The following HYCC1 variants were observed in gnomAD, a reference collection of about 807,000 sequenced individuals.
The protein encoded by HYCC1 is hyccin.
the HYCC1 span, among the ~76,000 whole-genome samples, chr7:23,007,701 T>C: frequency 2.0e-5 from 3 of 152,160 alleles, no homozygotes; most frequent in South Asian, 6.2e-4. Flanking sequence ...CAATCTCATA[T>C]AGCAAATCAA....
chr7:22,924,195 A>AAGG, the HYCC1 span, among the ~76,000 whole-genome samples: 107 of 136,646 alleles, frequency 7.8e-4, no homozygotes, highest in East Asian at 0.01. Context: ...AAAAAAAAAA[A>AAGG]GGGGGGTGGA....
the HYCC1 span, among the ~76,000 whole-genome samples, chr7:22,968,857 G>A: frequency 3.6e-4 from 55 of 152,098 alleles, no homozygotes; most frequent in Admixed American, 5.2e-4. Context: ...ATGGTGCCAT[G>A]TGCCTGTAAT....
At chr7:22,965,013 A>G in the HYCC1 span, among the ~76,000 whole-genome samples, 9 of 152,140 alleles carry the variant, frequency 5.9e-5, no homozygotes, top group African/African-American at 1.7e-4. Context: ...ATGTGCCTGT[A>G]TTCCCAGCTA....
At chr7:22,951,206 C>T in the HYCC1 span, among the ~76,000 whole-genome samples, 32 of 151,930 alleles carry the variant, frequency 2.1e-4, no homozygotes, top group African/African-American at 7.5e-4. Flanking sequence ...TTTTATAATC[C>T]CAAATATCTA....
the HYCC1 span, among the ~76,000 whole-genome samples, chr7:23,003,258 A>C: frequency 1.3e-5 from 2 of 152,210 alleles, no homozygotes; most frequent in African/African-American, 4.8e-5. Flanking sequence ...TTCATAAACT[A>C]TTAAATGCCA....
chr7:23,008,855 A>T, the HYCC1 span, among the ~76,000 whole-genome samples: 1 of 152,060 alleles, frequency 6.6e-6, no homozygotes, highest in East Asian at 1.9e-4. Flanking sequence ...TAGACTAAAG[A>T]TGTAAATTTT....
At chr7:22,972,562 CA>C in the HYCC1 span, among the ~76,000 whole-genome samples, 1 of 152,058 alleles carries the variant, frequency 6.6e-6, no homozygotes, top group Non-Finnish European at 1.5e-5. Flanking sequence ...ATTAAATGTC[CA>C]ACAGAAAGAA....
the HYCC1 span, among the ~76,000 whole-genome samples, chr7:22,904,899 G>T: frequency 6.6e-6 from 1 of 151,768 alleles, no homozygotes; most frequent in Non-Finnish European, 1.5e-5. Flanking sequence ...AAGAAAAGAG[G>T]TTTAATTGGC....
At chr7:22,975,007 G>C in the HYCC1 span, among the ~76,000 whole-genome samples, 1 of 152,154 alleles carries the variant, frequency 6.6e-6, no homozygotes, top group Non-Finnish European at 1.5e-5. Flanking sequence ...GGAACTGTGA[G>C]TCCACTAAAC....
chr7:22,915,476 AC>A, the HYCC1 span, among the ~76,000 whole-genome samples: 1 of 152,152 alleles, frequency 6.6e-6, no homozygotes, highest in South Asian at 2.1e-4. Flanking sequence ...GCAGGACCCC[AC>A]TGGAAATCAG....
At chr7:22,914,300 C>T in the HYCC1 span, among the ~76,000 whole-genome samples, 1 of 151,838 alleles carries the variant, frequency 6.6e-6, no homozygotes, top group Non-Finnish European at 1.5e-5. Context: ...CACATTGCAG[C>T]CCAGGGCTGC....
the HYCC1 span, among the ~76,000 whole-genome samples, chr7:22,922,581 C>T: frequency 6.6e-6 from 1 of 152,180 alleles, no homozygotes; most frequent in Non-Finnish European, 1.5e-5. Context: ...CTACTAAATT[C>T]ATATCACTTT....
the HYCC1 span, among the ~76,000 whole-genome samples, chr7:22,898,908 A>T: frequency 0.61 from 93,439 of 152,056 alleles, 28,866 homozygotes; most frequent in Non-Finnish European, 0.65. Flanking sequence ...GCTGGTCCGA[A>T]TATTTCTCAA....
the HYCC1 span, among the ~76,000 whole-genome samples, chr7:22,922,526 G>A: frequency 7.9e-4 from 120 of 152,260 alleles, no homozygotes; most frequent in Non-Finnish European, 1.4e-3. Flanking sequence ...GCTGTATATT[G>A]CTAGCCCAAG....
chr7:23,005,760 C>T, the HYCC1 span, among the ~76,000 whole-genome samples: 1 of 152,186 alleles, frequency 6.6e-6, no homozygotes, highest in Non-Finnish European at 1.5e-5. Context: ...ACTTCTTGAC[C>T]TCACTGACTT....
At chr7:22,928,756 A>T in the HYCC1 span, among the ~76,000 whole-genome samples, 1 of 152,126 alleles carries the variant, frequency 6.6e-6, no homozygotes, top group South Asian at 2.1e-4. Flanking sequence ...AAATGGCCAT[A>T]CTGCCCAAGG....
chr7:22,936,226 C>T, the HYCC1 span: 1 of 151,950 alleles, frequency 6.6e-6, no homozygotes, highest in Admixed American at 6.6e-5. Context: ...AGTTGTCTCT[C>T]CATGAAAGAA....
the HYCC1 span, among the ~76,000 whole-genome samples, chr7:22,955,751 A>G: frequency 6.6e-6 from 1 of 151,812 alleles, no homozygotes; most frequent in East Asian, 1.9e-4. Context: ...ATAAACAAGT[A>G]TAAATTGTAT....
At chr7:22,954,106 C>T in the HYCC1 span, among the ~76,000 whole-genome samples, 1 of 151,434 alleles carries the variant, frequency 6.6e-6, no homozygotes, top group Non-Finnish European at 1.5e-5. Flanking sequence ...TTCTCCTCAA[C>T]TGAAGACTTT....
Sources: allele counts gnomAD v4.1 joint callset (sites outside exome capture counted in the v4.1 genomes callset), GRCh38; gene constraint gnomAD v4.1.1; transcripts MANE v1.5; gene names NCBI Gene and HGNC (gene_info 2026-07-23, HGNC 2026-07-21).